The following PSG5 variants were observed in gnomAD, a reference collection of about 807,000 sequenced individuals.
The protein encoded by PSG5 is pregnancy specific beta-1-glycoprotein 5.
PSG5 carries 53 observed loss-of-function variants against 37.7 expected under a neutral mutation model. That is an observed-to-expected ratio of 1.41 (90% CI 1.13 to 1.77). The LOEUF (loss-of-function observed/expected upper bound fraction) is 1.77, where lower values mean the gene tolerates loss of function less well. PSG5 is among the 40% of genes most tolerant of loss of function. PSG5 has a pLI of 0.00. For missense variants in PSG5, 547 were observed against 405.2 expected, an observed-to-expected ratio of 1.35 and a Z score of -3.00; for synonymous variants, 221 against 155.4, an observed-to-expected ratio of 1.42 and a Z score of -3.14.
At chr19:43,169,993 C>T in intron 5 of PSG5, 62 bp downstream of exon 5, 2 of 1,067,562 alleles carry the variant, frequency 1.9e-6, no homozygotes, top group South Asian at 1.2e-5. Flanking sequence ...TAAGTCTTTT[C>T]CCTCTCCCAA....
intron 2 of PSG5, among the ~76,000 whole-genome samples, chr19:43,181,620 A>G (rs1250688007): frequency 6.6e-6 from 1 of 151,620 alleles, no homozygotes; most frequent in East Asian, 1.9e-4. Context: ...CACCACGCCC[A>G]GCTAATTTTT....
At chr19:43,175,697 C>A in intron 3 of PSG5, 173 bp downstream of exon 3, 1 of 1,420,578 alleles carries the variant, frequency 7.0e-7, no homozygotes, top group Non-Finnish European at 9.4e-7. Flanking sequence ...CCTTATATTC[C>A]TGGTTAAGGC....
chr19:43,174,707 A>G (rs1215154559), intron 4 of PSG5: 3 of 1,000,504 alleles, frequency 3.0e-6, no homozygotes, highest in Non-Finnish European at 3.6e-6. Flanking sequence ...TGAGTGAGGC[A>G]GGCCCAGTCA....
rs1364269169 is a variant in PSG5 at position 43,175,371 on chromosome 19, C to G, written c.808G>C (p.Glu270Gln). Residue 270 changes from glutamate (E) to glutamine (Q), a missense_variant, in exon 4 of 6, where the codon GAG becomes CAG. Coordinates refer to ENST00000342951, the MANE Select transcript of PSG5 (RefSeq NM_002781.4). ...TTCCCATTAATTGTCCAAAAATACT[C>G]TGCCGGTGGGTTAGATTCCGCGAAG... ...SCFAESNPPA[E>Q]YFWTINGKFQ... is the part of the protein sequence containing the mutation. 3.7e-6 allele frequency: 6 copies of G among 1,612,880 alleles called. No homozygotes were observed. Among genetic ancestry groups the G allele is most frequent in the Non-Finnish European group, 5.1e-6 (6 of 1,179,278 alleles).
At position 43,185,020 on chromosome 19, in the gene PSG5, G is replaced by A. The variant is rs780062171; in HGVS notation, c.192C>T (p.Gly64=). 5 of 1,612,528 alleles carry A rather than the reference G, an allele frequency of 3.1e-6. No homozygotes were observed. The highest frequency in any genetic ancestry group is 3.3e-5 in the Admixed American group (2 of 59,876). The change falls in exon 2 of 6, where the codon GGC becomes GGT. Residue 64 remains glycine (G), a synonymous_variant. Transcript: ENST00000342951. ...TCAGTTGTCCTTTGTACCAGATGTA[G>A]CCAGCAAGATTCTGAGGCAAATTGT... ...LVHNLPQNLA[G]YIWYKGQLMD... is the part of the protein sequence containing the mutation.
intron 4 of PSG5, among the ~76,000 whole-genome samples, chr19:43,171,947 G>A (rs1310109736): frequency 6.8e-6 from 1 of 146,252 alleles, no homozygotes; most frequent in African/African-American, 2.6e-5. Context: ...ATTCCATCCT[G>A]GACTGGTCTA....
intron 5 of PSG5, among the ~76,000 whole-genome samples, chr19:43,169,415 G>A (rs1207650938): frequency 6.6e-6 from 1 of 151,622 alleles, no homozygotes; most frequent in Non-Finnish European, 1.5e-5. Context: ...GCAGATGGTG[G>A]AGGGGATTTC....
At position 43,177,318 on chromosome 19, in the gene PSG5, A is replaced by T. The variant is rs562021400; in HGVS notation, c.431-1170T>A. Among the ~76,000 whole-genome samples, 3 of 142,136 alleles carry T rather than the reference A, an allele frequency of 2.1e-5. 1 individual carries two copies. The highest frequency in any genetic ancestry group is 7.7e-5 in the African/African-American group (3 of 39,124). 93.2% of individuals were successfully genotyped at this position (142,136 alleles called of 152,430 possible). On this transcript the variant is annotated intron_variant, in intron 2 of 5. Coordinates refer to ENST00000342951, the MANE Select transcript of PSG5 (RefSeq NM_002781.4). ...CACACAGATTGAGTATTTCTTATGC[A>T]TAAGACTTAGGACAAAAAGTGTTTT...
intron 5 of PSG5, among the ~76,000 whole-genome samples, chr19:43,169,331 T>C (rs1427861471): frequency 2.0e-5 from 3 of 151,658 alleles, no homozygotes; most frequent in African/African-American, 7.3e-5. Flanking sequence ...CAGGTTCACA[T>C]GTTAATCCTA....
Position 43,186,399 on chromosome 19 carries a change from G to C in PSG5, c.7C>G (p.Pro3Ala). ...TGTGTGCAGGGAGGGGCTGAGAGGG[G>C]CCCCATGGTCTCTGCGCCTGCGTGT... MG[P>A]LSAPPCTQHI... Residue 3 changes from proline (P) to alanine (A), a missense_variant, in exon 1 of 6, where the codon CCC (proline) becomes GCC (alanine). Physicochemically the swap from Pro to Ala is conservative, Grantham distance 27. Coordinates refer to ENST00000342951, the MANE Select transcript of PSG5 (RefSeq NM_002781.4). 6.2e-7 allele frequency: 1 copy of C among 1,612,246 alleles called. No individual in the cohort carries two copies. The highest frequency in any genetic ancestry group is 1.1e-5 in the South Asian group (1 of 91,030).
rs1476405461 is a variant in PSG5, at chr19:43,185,284, A to G, written c.65-137T>C. 8.1e-6 allele frequency: 10 copies of G among 1,228,692 alleles called. 1 individual carries two copies. In the East Asian group the frequency reaches 2.1e-4, roughly 26 times the overall value. 76.1% of individuals were successfully genotyped at this position (1,228,692 alleles called of 1,614,324 possible). On this transcript the variant is annotated intron_variant, in intron 1 of 5. Transcript: ENST00000342951. The stretch of plus-strand genomic sequence containing the variant: ...CACACACAAACACACACACACACAA[A>G]AGGTGCATGTTAGTTTGTGTGTGTG...
chr19:43,186,262 G>C, intron 1 of PSG5, 80 bp downstream of exon 1: 1 of 1,596,982 alleles, frequency 6.3e-7, no homozygotes, highest in Non-Finnish European at 8.5e-7. Context: ...TTATTTTTTA[G>C]AACCCCATCC....
intron 2 of PSG5, among the ~76,000 whole-genome samples, chr19:43,181,959 G>A (rs56235100): frequency 0.21 from 31,526 of 151,362 alleles, 4,279 homozygotes; most frequent in East Asian, 0.6. Context: ...TGGGCATTGG[G>A]GACTGCAGGC....
intron 2 of PSG5, chr19:43,178,787 T>C (rs1299283395): frequency 6.2e-7 from 1 of 1,608,982 alleles, no homozygotes. Flanking sequence ...AAGGTCTCTG[T>C]ACTTGGACCT....
chr19:43,183,665 C>T (rs1042029553), intron 2 of PSG5, among the ~76,000 whole-genome samples: 2 of 151,288 alleles, frequency 1.3e-5, no homozygotes, highest in South Asian at 2.1e-4. Context: ...AATCAGCTGA[C>T]CATTTGCTCT....
At chr19:43,181,330 TC>T (rs1969123443) in intron 2 of PSG5, among the ~76,000 whole-genome samples, 3 of 151,718 alleles carry the variant, frequency 2.0e-5, no homozygotes, top group Admixed American at 2.0e-4. Context: ...CCACTTTTTT[TC>T]CCCCACTCTT....
Position 43,185,521 on chromosome 19 carries a change from TC to T in PSG5, c.65-375del, listed in dbSNP as rs200739997. Among the ~76,000 whole-genome samples, 920 of 150,144 alleles carry T rather than the reference TC, an allele frequency of 6.1e-3. 20 individuals are homozygous for T. Among genetic ancestry groups the T allele is most frequent in the African/African-American group, 0.021 (870 of 40,642 alleles). ...CACGTCCTTCAGAGACCCTGGGTCT[TC>T]CCTTTCTGACCTTTCCCTGCTCTGC... On this transcript the variant is annotated intron_variant, in intron 1 of 5. Transcript: ENST00000342951.
intron 5 of PSG5, 37 bp downstream of exon 5, chr19:43,170,018 C>T (rs888102649): frequency 1.7e-5 from 22 of 1,317,468 alleles, no homozygotes; most frequent in East Asian, 1.5e-4. Context: ...GGCAGTCAGC[C>T]CTGCAGGAAC....
At position 43,176,022 on chromosome 19, in the gene PSG5, C is replaced by A. The variant is rs556107584; in HGVS notation, c.557G>T (p.Ser186Ile). The change falls in exon 3 of 6, where the codon AGC becomes ATC. Residue 186 changes from serine (S) to isoleucine (I), a missense_variant. Coordinates refer to ENST00000342951, the MANE Select transcript of PSG5 (RefSeq NM_002781.4). Reference sequence around the variant, plus strand: ...CTTTACCCTGGGACTGACCGGGAGGCTCTGACCATTTAGCCACCAAATGTA... The same window carrying A: ...CTTTACCCTGGGACTGACCGGGAGGATCTGACCATTTAGCCACCAAATGTA... ...YTYIWWLNGQ[S>I]LPVSPRVKRP... 1.5e-5 allele frequency: 24 copies of A among 1,611,152 alleles called. No individual in the cohort carries two copies. In the East Asian group the frequency reaches 4.7e-4, roughly 31 times the overall value.
Sources: gnomAD v4.1 joint callset for allele counts (sites outside exome capture counted in the v4.1 genomes callset) on GRCh38, gnomAD v4.1.1 for gene constraint, MANE v1.5 for transcripts, NCBI Gene and HGNC (gene_info 2026-07-23, HGNC 2026-07-21) for gene names.